Variants in HTT observed in about 807,000 individuals in gnomAD.
HTT encodes the protein huntingtin, also known as huntington disease protein.
HTT carries 104 observed loss-of-function variants against 362.3 expected under a neutral mutation model. The observed-to-expected ratio is 0.29, with a 90% confidence interval of 0.24 to 0.34. The LOEUF (loss-of-function observed/expected upper bound fraction) is 0.34. Ranked by LOEUF, HTT falls within the 10% of genes least tolerant of loss-of-function variation. The pLI is 1.00. For synonymous variants in HTT, 1,577 were observed against 1,548.7 expected, an observed-to-expected ratio of 1.02 and a Z score of -0.43; for missense variants, 3,301 against 3,928.6, an observed-to-expected ratio of 0.84 and a Z score of 4.27.
rs117701479 is a variant in HTT, at chr4:3,205,098, G to T, written c.5718+950G>T. On this transcript the variant is annotated intron_variant, in intron 42 of 66. Transcript: ENST00000355072. ...TTTAAAGAAAAAAAAATAACTTGTG[G>T]GAGTTTTTAACCATAAAACTAGCAT... 4.9e-4 allele frequency among the ~76,000 whole-genome samples: 75 copies of T among 152,172 alleles called. 2 individuals carry two copies. In the East Asian group the frequency reaches 0.014, roughly 27 times the overall value.
rs1721855542 is a variant in HTT, at chr4:3,242,570, G to C, written c.*2511G>C. 6.6e-6 allele frequency: 1 copy of C among 152,188 alleles called. No homozygotes were observed. Among genetic ancestry groups the C allele is most frequent in the African/African-American group, 2.4e-5 (1 of 41,422 alleles). 9.4% of individuals were successfully genotyped at this position (152,188 alleles called of 1,614,324 possible). Reference sequence around the variant, plus strand: ...AGGCGTGGGACGTGGTCAGGGCAGGGCTCATTCATTGCCCACTAGGATCCC... The same window carrying C: ...AGGCGTGGGACGTGGTCAGGGCAGGCCTCATTCATTGCCCACTAGGATCCC... On this transcript the variant is annotated 3_prime_UTR_variant, in exon 67 of 67. Coordinates refer to ENST00000355072, the MANE Select transcript of HTT (RefSeq NM_001388492.1).
At chr4:3,235,196 A>G (rs1324622406) in intron 61 of HTT, 88 bp from the exon 62 acceptor site, 1 of 973,550 alleles carries the variant, frequency 1.0e-6, no homozygotes, top group Non-Finnish European at 1.6e-6. Context: ...CCATAGCTCT[A>G]CACTCCCGCG....
At chr4:3,174,059 G>A (rs1271972780) in intron 31 of HTT, among the ~76,000 whole-genome samples, 1 of 152,158 alleles carries the variant, frequency 6.6e-6, no homozygotes, top group Admixed American at 6.5e-5. Flanking sequence ...TATTTGAGTT[G>A]CTAATCTGTA....
chr4:3,234,434 G>C (rs1721422852), intron 61 of HTT, among the ~76,000 whole-genome samples: 2 of 152,258 alleles, frequency 1.3e-5, no homozygotes. Flanking sequence ...AGTCACACGG[G>C]GCACAGGCCT....
chr4:3,127,151 G>T, intron 11 of HTT, 113 bp from the exon 12 acceptor site: 1 of 748,686 alleles, frequency 1.3e-6, no homozygotes, highest in Non-Finnish European at 2.3e-6. Context: ...TCAGGATGCT[G>T]TGCAGCTGAA....
At chr4:3,099,179 C>A (rs2110155166) in intron 2 of HTT, 95 bp from the exon 3 acceptor site, 6 of 781,560 alleles carry the variant, frequency 7.7e-6, no homozygotes, top group Non-Finnish European at 1.3e-5. Context: ...TTTTTCTGTT[C>A]CAGAATTCCA....
At chr4:3,140,750 GA>G (rs1440972990) in intron 22 of HTT, 94 bp downstream of exon 22, 7 of 1,268,550 alleles carry the variant, frequency 5.5e-6, no homozygotes, top group Non-Finnish European at 7.7e-6. Context: ...TTATTTTCTA[GA>G]AAAAAGCTTC....
intron 21 of HTT, among the ~76,000 whole-genome samples, chr4:3,138,873 A>G (rs535385715): frequency 6.6e-6 from 1 of 152,340 alleles, no homozygotes; most frequent in East Asian, 1.9e-4. Context: ...TTGGCCTTCC[A>G]AAGTGCTGGG....
intron 29 of HTT, among the ~76,000 whole-genome samples, chr4:3,163,913 G>GTC (rs1208555976): frequency 1.3e-5 from 2 of 151,496 alleles, no homozygotes; most frequent in Non-Finnish European, 2.9e-5. Flanking sequence ...TTTTTTTCGT[G>GTC]TCTCTATCTC....
intron 29 of HTT, among the ~76,000 whole-genome samples, chr4:3,169,049 C>T (rs1344336123): frequency 6.5e-5 from 9 of 138,524 alleles, no homozygotes; most frequent in South Asian, 6.3e-4. Flanking sequence ...GACAGTGTCT[C>T]GCTCTGTCGC....
intron 29 of HTT, among the ~76,000 whole-genome samples, chr4:3,169,650 T>C (rs1167826517): frequency 6.6e-6 from 1 of 152,074 alleles, no homozygotes; most frequent in Non-Finnish European, 1.5e-5. Flanking sequence ...ATCAGCTCAC[T>C]GCAACCTCCA....
rs1560554114 is a variant in HTT, at chr4:3,116,067, T to C, written c.890-18T>C. ...ACAGTGAGTCAGATGTTAAGATGTC[T>C]TGCTTCCACCCCCACAGGCTTACTC... On this transcript the variant is annotated intron_variant, in intron 7 of 66. Coordinates refer to ENST00000355072, the MANE Select transcript of HTT (RefSeq NM_001388492.1). The C allele has an allele frequency of 6.3e-7, 1 of 1,596,442 alleles. No homozygotes were observed. The highest frequency in any genetic ancestry group is 8.6e-7 in the Non-Finnish European group (1 of 1,166,576).
At chr4:3,212,815 C>T (rs1037083305) in intron 49 of HTT, 106 bp downstream of exon 49, 15 of 1,193,730 alleles carry the variant, frequency 1.3e-5, no homozygotes, top group Non-Finnish European at 1.8e-5. Flanking sequence ...TCTGACCAGT[C>T]CAGTCACTTT....
intron 40 of HTT, among the ~76,000 whole-genome samples, chr4:3,197,357 A>G (rs891703312): frequency 6.6e-6 from 1 of 152,018 alleles, no homozygotes; most frequent in African/African-American, 2.4e-5. Context: ...AAATTGAACT[A>G]GCACCACTGT....
intron 19 of HTT, among the ~76,000 whole-genome samples, chr4:3,135,501 AT>A (rs1258871066): frequency 9.3e-5 from 14 of 150,948 alleles, no homozygotes; most frequent in African/African-American, 3.4e-4. Context: ...ATTTCATTTA[AT>A]CCTTAGAATG....
At chr4:3,086,156 A>G (rs1713197488) in intron 1 of HTT, among the ~76,000 whole-genome samples, 3 of 152,214 alleles carry the variant, frequency 2.0e-5, no homozygotes, top group Admixed American at 1.3e-4. Flanking sequence ...ACTGCTGAGA[A>G]AGAAAGAAAG....
At chr4:3,126,055 A>T (rs1031334916) in intron 11 of HTT, among the ~76,000 whole-genome samples, 3 of 151,944 alleles carry the variant, frequency 2.0e-5, no homozygotes. Flanking sequence ...TTCTTTTTTG[A>T]GATAGAGTCT....
chr4:3,235,557 C>A lies in HTT; in HGVS notation c.8572-8C>A. 6.2e-7 allele frequency: 1 copy of A among 1,613,276 alleles called. No homozygotes were observed. Among genetic ancestry groups the A allele is most frequent in the Middle Eastern group, 1.7e-4 (1 of 6,060 alleles). ...TTCTTTGACACAGAGGCCTTTCTCC[C>A]TGTGCAGATGTGTGGGGTGATGCTG... On this transcript the variant is annotated splice_region_variant and splice_polypyrimidine_tract_variant and intron_variant, in intron 62 of 66. Transcript: ENST00000355072.
chr4:3,203,924 T>C (rs1392087679), intron 41 of HTT, 83 bp from the exon 42 acceptor site: 1 of 1,358,136 alleles, frequency 7.4e-7, no homozygotes, highest in African/African-American at 1.4e-5. Context: ...AGAACTAGAA[T>C]TAAACATAAT....
Sources: gnomAD v4.1 joint callset for allele counts (sites outside exome capture counted in the v4.1 genomes callset) on GRCh38, gnomAD v4.1.1 for gene constraint, MANE v1.5 for transcripts, NCBI Gene and HGNC (gene_info 2026-07-23, HGNC 2026-07-21) for gene names.